HPSE: variants seen among roughly 807,000 people sequenced by gnomAD.
HPSE encodes endo-glucoronidase.
In HPSE, 48 loss-of-function variants were observed where a neutral mutation model predicts 65.1. The observed-to-expected ratio is 0.74, with a 90% confidence interval of 0.58 to 0.94. The LOEUF is 0.94. Among genes scored for constraint, HPSE ranks in the 40% least tolerant of loss-of-function variants. The pLI, the probability that HPSE is intolerant of heterozygous loss-of-function variation, is 0.00. For missense variants in HPSE, 644 were observed against 637.5 expected, an observed-to-expected ratio of 1.01 and a Z score of -0.11; for synonymous variants, 243 against 260.0, an observed-to-expected ratio of 0.93 and a Z score of 0.63.
intron 2 of HPSE, among the ~76,000 whole-genome samples, chr4:83,319,694 T>C (rs11099594): frequency 0.8 from 120,935 of 152,052 alleles, 48,241 homozygotes; most frequent in East Asian, 0.87. Flanking sequence ...TAAGAAATAT[T>C]GAACATACAC....
chr4:83,334,473 C>T, intron 1 of HPSE, 83 bp downstream of exon 1: 1 of 1,432,014 alleles, frequency 7.0e-7, no homozygotes, highest in Non-Finnish European at 9.3e-7. Context: ...TGTTTCCGCG[C>T]AAAAGAAGGA....
chr4:83,310,071 T>C lies in HPSE; in HGVS notation c.850A>G (p.Lys284Glu), dbSNP rs1378505275. 1 of 1,610,250 alleles carries C rather than the reference T, an allele frequency of 6.2e-7. No individual in the cohort carries two copies. The highest frequency in any genetic ancestry group is 1.1e-5 in the South Asian group (1 of 90,816). Residue 284 changes from lysine (K) to glutamate (E), a missense_variant, in exon 6 of 12, where the codon AAG (lysine) becomes GAG (glutamate). Lys to Glu is a moderately conservative substitution (Grantham distance 56). Transcript: ENST00000311412. Reference protein sequence around the residue: ...KTAKMLKSFLKAGGEVIDSVT... With the variant: ...KTAKMLKSFLEAGGEVIDSVT... ...GAATCAATCACTTCTCCACCAGCCT[T>C]CAGGAAGCTAGAAAAAAAATTTTAT...
At chr4:83,308,811 C>T in intron 8 of HPSE, 34 bp downstream of exon 8, 1 of 1,499,414 alleles carries the variant, frequency 6.7e-7, no homozygotes, top group African/African-American at 1.4e-5. Flanking sequence ...AAGAGCTGCA[C>T]TCTGACCCCT....
intron 1 of HPSE, among the ~76,000 whole-genome samples, chr4:83,327,211 C>T (rs767221563): frequency 2.6e-5 from 4 of 152,086 alleles, no homozygotes; most frequent in South Asian, 2.1e-4. Flanking sequence ...GAGCAAGGCC[C>T]GCCTGATGTA....
At chr4:83,333,134 C>T (rs1737462970) in intron 1 of HPSE, among the ~76,000 whole-genome samples, 1 of 152,098 alleles carries the variant, frequency 6.6e-6, no homozygotes, top group African/African-American at 2.4e-5. Context: ...AACTATGATC[C>T]AAAGAAACAG....
At chr4:83,315,193 A>C (rs1369884841) in intron 3 of HPSE, among the ~76,000 whole-genome samples, 1 of 152,102 alleles carries the variant, frequency 6.6e-6, no homozygotes, top group Non-Finnish European at 1.5e-5. Flanking sequence ...AATATTAACT[A>C]TAAAGACCAC....
rs36002405 is a variant in HPSE, at chr4:83,321,987, C to CTTTTTTTTTTTTTT, written c.373+218_373+231dup. Among the ~76,000 whole-genome samples, 8 of 92,558 alleles carry CTTTTTTTTTTTTTT rather than the reference C, an allele frequency of 8.6e-5. 1 individual carries two copies. The highest frequency in any genetic ancestry group is 1.1e-4 in the Non-Finnish European group (6 of 52,308). The allele number at this position is 92,558 out of a possible 152,430, so 60.7% of individuals were successfully genotyped here. On this transcript the variant is annotated intron_variant, in intron 2 of 11. Transcript: ENST00000311412. ...GAGCTCTCAGTTATATCCAGGACGC[C>CTTTTTTTTTTTTTT]TTTTTTTTTTTTTTTTTTTTGTGAG...
At chr4:83,306,181 T>C in intron 9 of HPSE, 22 bp downstream of exon 9, 1 of 1,421,484 alleles carries the variant, frequency 7.0e-7, no homozygotes, top group East Asian at 2.3e-5. Context: ...CCACTAGAAT[T>C]AGGAAAATAA....
Position 83,313,136 on chromosome 4 carries a change from G to A in HPSE, c.651C>T (p.Asn217=). 3 of 1,612,498 alleles carry A rather than the reference G, an allele frequency of 1.9e-6. 1 individual carries two copies. The South Asian group carries it at 3.3e-5, about 18-fold the overall frequency. ...CACCATTGCCTAGTTCCCAAGAAAT[G>A]TTATACCCCTTGGAAGAGCAGTAGT... is the stretch of plus-strand genomic sequence containing the variant. The part of the protein sequence containing the change: ...LLDYCSSKGY[N]ISWELGNEPN... Residue 217 remains asparagine, a synonymous_variant, in exon 4 of 12, where the codon AAC becomes AAT. Transcript: ENST00000311412.
In HPSE at chr4:83,306,299, G is replaced by A; in HGVS notation, c.1110C>T (p.Gly370=). The part of the protein sequence containing the change: ...AAGFMWLDKL[G]LSARMGIEVV... ...CTTCTATTCCCATTCGGGCTGACAGGCCCAATTTATCCAGCCACCTGGGAC... is the reference window on the plus strand; with the variant it reads ...CTTCTATTCCCATTCGGGCTGACAGACCCAATTTATCCAGCCACCTGGGAC... The change falls in exon 9 of 12, where the codon GGC becomes GGT. Residue 370 remains glycine, a synonymous_variant. Transcript: ENST00000311412. 2 of 1,611,534 alleles carry A rather than the reference G, an allele frequency of 1.2e-6. No homozygotes were observed. Among genetic ancestry groups the A allele is most frequent in the South Asian group, 1.1e-5 (1 of 91,006 alleles).
chr4:83,302,716 G>A (rs1051378442), intron 9 of HPSE, among the ~76,000 whole-genome samples: 1 of 152,198 alleles, frequency 6.6e-6, no homozygotes, highest in Non-Finnish European at 1.5e-5. Flanking sequence ...TGGCCAAAGT[G>A]TAATCCCAGG....
rs532010393 is a variant in HPSE, at chr4:83,322,553, C to T, written c.228-189G>A. Among the ~76,000 whole-genome samples the T allele has an allele frequency of 2.4e-4, 36 of 152,086 alleles. No homozygotes were observed. The South Asian group carries it at 4.2e-3, about 18-fold the overall frequency. On this transcript the variant is annotated intron_variant, in intron 1 of 11. Transcript: ENST00000311412. ...TGTTTTCCAGGCTGGAGTGCAGTGG[C>T]GCGATCTCACTTCACTGCAACTTCT...
Position 83,293,669 on chromosome 4 carries a change from A to G in HPSE, c.*1675T>C, listed in dbSNP as rs560919868. 2.6e-5 allele frequency: 4 copies of G among 152,356 alleles called. No homozygotes were observed. The highest frequency in any genetic ancestry group is 9.6e-5 in the African/African-American group (4 of 41,592). 9.4% of individuals were successfully genotyped at this position (152,356 alleles called of 1,614,324 possible). ...TATAAGGTATTGGGTGTTTTCTAAA[A>G]TTTATCCTCTTGACAAATCAATTTC... On this transcript the variant is annotated 3_prime_UTR_variant, in exon 12 of 12. Transcript: ENST00000311412.
At chr4:83,324,052 AG>A (rs1737031076) in intron 1 of HPSE, among the ~76,000 whole-genome samples, 1 of 148,804 alleles carries the variant, frequency 6.7e-6, no homozygotes, top group Admixed American at 6.7e-5. Flanking sequence ...GTCTACATGT[AG>A]GTTTATTTCA....
intron 3 of HPSE, among the ~76,000 whole-genome samples, chr4:83,316,660 G>C (rs1736656783): frequency 1.3e-5 from 2 of 152,272 alleles, no homozygotes; most frequent in East Asian, 1.9e-4. Context: ...GCTCACTCAG[G>C]ATGACTACTT....
chr4:83,318,573 C>T lies in HPSE; in HGVS notation c.499+771G>A, dbSNP rs115653539. Among the ~76,000 whole-genome samples the T allele has an allele frequency of 2.5e-3, 387 of 152,162 alleles. 4 individuals carry two copies. Among genetic ancestry groups the T allele is most frequent in the African/African-American group, 9.2e-3 (380 of 41,518 alleles). On this transcript the variant is annotated intron_variant, in intron 3 of 11. Coordinates refer to ENST00000311412, the MANE Select transcript of HPSE (RefSeq NM_001098540.3). The stretch of plus-strand genomic sequence containing the variant: ...GGGTAATACCTTTACCCTACAGGAA[C>T]TGAATAATCAAATATTCCTCATAAT...
At chr4:83,325,309 G>A (rs1047386974) in intron 1 of HPSE, among the ~76,000 whole-genome samples, 3 of 151,912 alleles carry the variant, frequency 2.0e-5, no homozygotes, top group Non-Finnish European at 4.4e-5. Context: ...GGGACTATAC[G>A]CACCCACCAC....
intron 9 of HPSE, among the ~76,000 whole-genome samples, chr4:83,303,147 A>AG (rs2126184545): frequency 6.6e-6 from 1 of 151,716 alleles, no homozygotes; most frequent in South Asian, 2.1e-4. Flanking sequence ...CTTGCAAAAA[A>AG]ATACAATTAA....
intron 4 of HPSE, among the ~76,000 whole-genome samples, chr4:83,311,544 C>T (rs915904285): frequency 2.6e-5 from 4 of 151,984 alleles, no homozygotes; most frequent in Admixed American, 6.6e-5. Flanking sequence ...TGGCTCATGC[C>T]TATAATCCCA....
Sources: gnomAD v4.1 joint callset for allele counts (sites outside exome capture counted in the v4.1 genomes callset) on GRCh38, gnomAD v4.1.1 for gene constraint, MANE v1.5 for transcripts, NCBI Gene and HGNC (gene_info 2026-07-23, HGNC 2026-07-21) for gene names.